The following UBE3C variants were observed in gnomAD, a reference collection of about 807,000 sequenced individuals.
UBE3C encodes ubiquitin protein ligase E3C.
UBE3C carries 42 observed loss-of-function variants against 129.4 expected under a neutral mutation model. The ratio of observed to expected loss-of-function variants is 0.32; its 90% confidence interval spans 0.25 to 0.42. The LOEUF (loss-of-function observed/expected upper bound fraction) is 0.42. Ranked by LOEUF, UBE3C falls within the 10% of genes least tolerant of loss-of-function variation. The pLI, the probability that UBE3C is intolerant of heterozygous loss-of-function variation, is 1.00. For missense variants in UBE3C, 1,049 were observed against 1,319.1 expected (o/e 0.80, Z 3.17); for synonymous variants, 510 against 492.4 (o/e 1.04, Z -0.47).
chr7:157,236,143 T>C (rs989464256), intron 18 of UBE3C, among the ~76,000 whole-genome samples: 4 of 152,254 alleles, frequency 2.6e-5, no homozygotes, highest in African/African-American at 7.2e-5. Context: ...TGATTCTTGC[T>C]TCTGGTGTGG....
chr7:157,220,702 A>C lies in UBE3C; in HGVS notation c.1928A>C (p.Tyr643Ser). ...DIKADKVTQL[Y>S]VPASRHVWRF... is the part of the protein sequence containing the mutation. ...TGCCCCCGACAGGTCACTCAGCTCT[A>C]TGTGCCAGCATCCAGACATGTGTGG... The change falls in exon 15 of 23, where the codon TAT (tyrosine) becomes TCT (serine). Residue 643 changes from tyrosine (Y) to serine (S), a missense_variant. By Grantham distance (144) the Tyr-to-Ser change is moderately radical. This residue lies in a region of UBE3C where 314 missense variants were observed against 416.9 expected (regional missense o/e 0.75). Transcript: ENST00000348165. 1 of 1,614,144 alleles carries C rather than the reference A, an allele frequency of 6.2e-7. No homozygotes were observed. The highest frequency in any genetic ancestry group is 8.5e-7 in the Non-Finnish European group (1 of 1,179,978).
intron 14 of UBE3C, among the ~76,000 whole-genome samples, chr7:157,218,557 G>A (rs773438050): frequency 2.2e-4 from 34 of 152,220 alleles, no homozygotes; most frequent in Non-Finnish European, 3.5e-4. Context: ...ATATTTGTGA[G>A]TTAAGCCTGT....
intron 2 of UBE3C, among the ~76,000 whole-genome samples, chr7:157,164,888 T>C (rs1808171411): frequency 6.6e-6 from 1 of 152,184 alleles, no homozygotes; most frequent in Admixed American, 6.5e-5. Flanking sequence ...AGATGGTGTT[T>C]AGGGGAAGGG....
At position 157,183,830 on chromosome 7, in the gene UBE3C, A is replaced by G. The variant is rs754564797; in HGVS notation, c.992-48A>G. 7 of 1,567,066 alleles carry G rather than the reference A, an allele frequency of 4.5e-6. No individual in the cohort carries two copies. In the Admixed American group the frequency reaches 1.3e-4, roughly 30 times the overall value. ...AATGGCGTCTTCGTTTTCCATTTTA[A>G]AAAATAATGTTTAACTAAAATACGT... On this transcript the variant is annotated intron_variant, in intron 8 of 22. Transcript: ENST00000348165.
At chr7:157,215,414 A>G (rs916791533) in intron 13 of UBE3C, among the ~76,000 whole-genome samples, 1 of 150,796 alleles carries the variant, frequency 6.6e-6, no homozygotes, top group Non-Finnish European at 1.5e-5. Context: ...TCAACAATTG[A>G]TTGTGTGATC....
At chr7:157,173,236 C>G (rs1024176387) in intron 4 of UBE3C, among the ~76,000 whole-genome samples, 2 of 152,124 alleles carry the variant, frequency 1.3e-5, no homozygotes, top group African/African-American at 4.8e-5. Context: ...AATTAGCTGG[C>G]TGCGGTAGCT....
chr7:157,182,676 AACAT>A lies in UBE3C; in HGVS notation c.991+365_991+368del, dbSNP rs202051494. ...AACATCTTCCTGTAGTATGTTTGAAAACATACATACATACATACATGCATGAATT... is the reference window on the plus strand; with the variant it reads ...AACATCTTCCTGTAGTATGTTTGAAAACATACATACATACATGCATGAATT... On this transcript the variant is annotated intron_variant, in intron 8 of 22. Coordinates refer to ENST00000348165, the MANE Select transcript of UBE3C (RefSeq NM_014671.3). Among the ~76,000 whole-genome samples, 29 of 152,186 alleles carry A rather than the reference AACAT, an allele frequency of 1.9e-4. 1 individual carries two copies. The South Asian group carries it at 5.6e-3, about 29-fold the overall frequency.
intron 22 of UBE3C, among the ~76,000 whole-genome samples, chr7:157,265,307 T>TTCC (rs1797046755): frequency 6.6e-6 from 1 of 152,232 alleles, no homozygotes; most frequent in African/African-American, 2.4e-5. Flanking sequence ...GATCTGTGCC[T>TTCC]TATTGTCTTC....
At chr7:157,155,417 A>T (rs925745754) in intron 1 of UBE3C, among the ~76,000 whole-genome samples, 1 of 152,172 alleles carries the variant, frequency 6.6e-6, no homozygotes, top group African/African-American at 2.4e-5. Context: ...CAAAAACCTC[A>T]CAGTTTTTTG....
intron 13 of UBE3C, among the ~76,000 whole-genome samples, chr7:157,214,012 C>T (rs1306457749): frequency 6.6e-6 from 1 of 152,108 alleles, no homozygotes; most frequent in Non-Finnish European, 1.5e-5. Context: ...CCATCCATTA[C>T]CACAGTGCCG....
At chr7:157,164,518 GT>G (rs1343608281) in intron 2 of UBE3C, 7 of 450,218 alleles carry the variant, frequency 1.6e-5, no homozygotes, top group Admixed American at 4.8e-5. Flanking sequence ...TGTCTTAACT[GT>G]TTGTGAAGAA....
chr7:157,151,890 G>C (rs931228865), intron 1 of UBE3C, among the ~76,000 whole-genome samples: 1 of 152,148 alleles, frequency 6.6e-6, no homozygotes, highest in Non-Finnish European at 1.5e-5. Flanking sequence ...GAGCATCACA[G>C]TAAAGTGGCC....
intron 2 of UBE3C, chr7:157,164,365 G>A (rs1808156654): frequency 2.2e-6 from 1 of 456,446 alleles, no homozygotes; most frequent in East Asian, 7.0e-5. Flanking sequence ...CTTTGCTGCC[G>A]AGGCTGATTT....
intron 2 of UBE3C, among the ~76,000 whole-genome samples, chr7:157,167,437 C>T (rs1808247321): frequency 6.6e-6 from 1 of 152,104 alleles, no homozygotes; most frequent in African/African-American, 2.4e-5. Flanking sequence ...TTGGGTGTTG[C>T]TTAATTTTTA....
chr7:157,225,106 G>C (rs192658560), intron 16 of UBE3C, among the ~76,000 whole-genome samples: 1 of 152,110 alleles, frequency 6.6e-6, no homozygotes, highest in African/African-American at 2.4e-5. Context: ...GGGTTCACAA[G>C]ATTCTCGTGC....
intron 22 of UBE3C, 52 bp from the exon 23 acceptor site, chr7:157,267,533 A>C: frequency 1.9e-6 from 3 of 1,601,114 alleles, no homozygotes; most frequent in Non-Finnish European, 2.6e-6. Flanking sequence ...ATTAAAACTC[A>C]TGTAATGCCA....
At chr7:157,195,075 CCTT>C (rs1809080030) in intron 10 of UBE3C, among the ~76,000 whole-genome samples, 1 of 152,192 alleles carries the variant, frequency 6.6e-6, no homozygotes, top group Non-Finnish European at 1.5e-5. Flanking sequence ...GGCTGTATAA[CCTT>C]CTGCTAATAC....
At chr7:157,219,376 A>C (rs143560664) in intron 14 of UBE3C, among the ~76,000 whole-genome samples, 1 of 152,292 alleles carries the variant, frequency 6.6e-6, no homozygotes, top group Non-Finnish European at 1.5e-5. Context: ...AGTAGGTTTC[A>C]CTTCTGCAGT....
intron 14 of UBE3C, among the ~76,000 whole-genome samples, chr7:157,218,985 A>G (rs1795661649): frequency 6.6e-6 from 1 of 152,234 alleles, no homozygotes; most frequent in South Asian, 2.1e-4. Flanking sequence ...TTTCATTTAT[A>G]AACTGTACCT....
Sources: allele counts gnomAD v4.1 joint callset (sites outside exome capture counted in the v4.1 genomes callset), GRCh38; gene constraint gnomAD v4.1.1; regional missense constraint gnomAD v4.1.1; transcripts MANE v1.5; gene names NCBI Gene and HGNC (gene_info 2026-07-23, HGNC 2026-07-21).